The following TMTC1 variants were observed in gnomAD, a reference collection of about 807,000 sequenced individuals.
TMTC1 encodes protein O-mannosyl-transferase TMTC1.
TMTC1 carries 73 observed loss-of-function variants against 104.8 expected under a neutral mutation model. That is an observed-to-expected ratio of 0.70 (90% CI 0.58 to 0.85). The LOEUF is 0.85. TMTC1 is among the 40% of genes least tolerant of loss of function. The pLI is 0.00. For synonymous variants in TMTC1, 434 were observed against 428.7 expected (o/e 1.01, Z -0.15); for missense variants, 1,035 against 1,096.1 (o/e 0.94, Z 0.79).
At chr12:29,533,673 A>C (rs1944566900) in intron 11 of TMTC1, 1 of 152,208 alleles carries the variant, frequency 6.6e-6, no homozygotes, top group Non-Finnish European at 1.5e-5. Context: ...GATCTTCACA[A>C]CATTTTTTAA....
chr12:29,517,422 C>G lies in TMTC1; in HGVS notation c.2169+5G>C, dbSNP rs1172369552. On this transcript the variant is annotated splice_donor_5th_base_variant and intron_variant, in intron 14 of 17. Coordinates refer to ENST00000539277, the MANE Select transcript of TMTC1 (RefSeq NM_001193451.2). ...GCCAGCTTCATTTTCTTTCATCCTA[C>G]TCACCAGTGCCAAGCGGAGCTCCCT... 4.3e-6 allele frequency: 7 copies of G among 1,613,852 alleles called. No individual in the cohort carries two copies. The highest frequency in any genetic ancestry group is 5.9e-6 in the Non-Finnish European group (7 of 1,179,966).
At chr12:29,766,283 G>T (rs151304796) in intron 2 of TMTC1, among the ~76,000 whole-genome samples, 1 of 152,148 alleles carries the variant, frequency 6.6e-6, no homozygotes, top group Non-Finnish European at 1.5e-5. Flanking sequence ...AATGCCCATC[G>T]TAGAGCCTAA....
intron 5 of TMTC1, among the ~76,000 whole-genome samples, chr12:29,707,466 G>C (rs1419817345): frequency 6.6e-6 from 1 of 151,992 alleles, no homozygotes; most frequent in Non-Finnish European, 1.5e-5. Flanking sequence ...TCCAGGCATC[G>C]CGTCCTCTAC....
intron 14 of TMTC1, 59 bp downstream of exon 14, chr12:29,517,368 C>T: frequency 6.3e-7 from 1 of 1,599,836 alleles, no homozygotes; most frequent in South Asian, 1.1e-5. Flanking sequence ...AGGACTACAG[C>T]TCTCTCTATG....
At chr12:29,752,741 G>A (rs765285927) in intron 4 of TMTC1, among the ~76,000 whole-genome samples, 4 of 151,800 alleles carry the variant, frequency 2.6e-5, no homozygotes, top group Non-Finnish European at 5.9e-5. Context: ...AAAAGCAAGT[G>A]ATACCATTTA....
At chr12:29,519,777 C>T (rs2136154831) in intron 12 of TMTC1, 1 of 152,148 alleles carries the variant, frequency 6.6e-6, no homozygotes, top group South Asian at 2.1e-4. Context: ...GCCAATGAAC[C>T]AGCAGGTGGC....
intron 17 of TMTC1, among the ~76,000 whole-genome samples, chr12:29,510,724 T>C (rs1339567876): frequency 6.6e-6 from 1 of 152,226 alleles, no homozygotes; most frequent in Non-Finnish European, 1.5e-5. Context: ...ATCACTACAC[T>C]GCTATTTTAT....
In TMTC1 at chr12:29,520,494, C is replaced by CAAT. The variant is rs1466547323; in HGVS notation, c.1888+121_1888+123dup. 5 of 781,812 alleles carry CAAT rather than the reference C, an allele frequency of 6.4e-6. No homozygotes were observed. In the African/African-American group the frequency reaches 8.8e-5, roughly 14 times the overall value. The allele number at this position is 781,812 out of a possible 1,614,324, so 48.4% of individuals were successfully genotyped here. A position where few individuals can be genotyped will look rare whatever the true frequency, so the allele number is the denominator to read the frequency against. On this transcript the variant is annotated intron_variant, in intron 12 of 17. Coordinates refer to ENST00000539277, the MANE Select transcript of TMTC1 (RefSeq NM_001193451.2). ...GACAGCCCCGAGGTATAATGACTGTCAATAGTGTGAGCTTCCTGCCAAGCC... is the reference window on the plus strand; with the variant it reads ...GACAGCCCCGAGGTATAATGACTGTCAATAATAGTGTGAGCTTCCTGCCAAGCC...
At chr12:29,686,881 A>G (rs147944125) in intron 5 of TMTC1, among the ~76,000 whole-genome samples, 2,449 of 152,330 alleles carry the variant, frequency 0.016, 33 homozygotes, top group South Asian at 0.051. Flanking sequence ...GCTGTATCAC[A>G]TGGAACAAGT....
At chr12:29,761,554 T>C (rs117350970) in intron 2 of TMTC1, among the ~76,000 whole-genome samples, 2 of 149,312 alleles carry the variant, frequency 1.3e-5, no homozygotes, top group East Asian at 2.0e-4. Context: ...ATCTTCACAC[T>C]ATTTTGCTAC....
intron 4 of TMTC1, among the ~76,000 whole-genome samples, chr12:29,755,430 G>C (rs1943191128): frequency 1.3e-5 from 2 of 152,126 alleles, no homozygotes; most frequent in South Asian, 2.1e-4. Context: ...AAACAAACCA[G>C]CAATATAAAC....
At chr12:29,560,254 G>A (rs1275540977) in intron 9 of TMTC1, among the ~76,000 whole-genome samples, 1 of 152,210 alleles carries the variant, frequency 6.6e-6, no homozygotes, top group African/African-American at 2.4e-5. Context: ...CTGAACTGGA[G>A]CAGTGGTGAT....
chr12:29,748,042 T>C (rs1942998558), intron 5 of TMTC1, among the ~76,000 whole-genome samples: 1 of 152,184 alleles, frequency 6.6e-6, no homozygotes, highest in South Asian at 2.1e-4. Context: ...ATTGTAACAG[T>C]AATCAAATAT....
At chr12:29,525,257 A>G (rs755424264) in intron 11 of TMTC1, among the ~76,000 whole-genome samples, 2 of 131,588 alleles carry the variant, frequency 1.5e-5, no homozygotes, top group Non-Finnish European at 3.1e-5. Flanking sequence ...ATCTCAGCTC[A>G]CCGCAACCTC....
intron 5 of TMTC1, among the ~76,000 whole-genome samples, chr12:29,696,334 GT>G (rs1470503767): frequency 6.6e-6 from 1 of 152,076 alleles, no homozygotes; most frequent in Non-Finnish European, 1.5e-5. Flanking sequence ...ATTATTAAAT[GT>G]TTCAAAAGTA....
At position 29,561,830 on chromosome 12, in the gene TMTC1, T is replaced by A. The variant is rs895039869; in HGVS notation, c.1533-4830A>T. 2.0e-5 allele frequency among the ~76,000 whole-genome samples: 3 copies of A among 152,316 alleles called. No individual in the cohort carries two copies. In the East Asian group the frequency reaches 5.8e-4, roughly 29 times the overall value. ...CACCCTGATTTATTTTCAGGGTGTG[T>A]ATATTTGTCCGATTTTCATACCACA... On this transcript the variant is annotated intron_variant, in intron 9 of 17. Transcript: ENST00000539277.
At chr12:29,743,724 G>A (rs1176279374) in intron 5 of TMTC1, among the ~76,000 whole-genome samples, 3 of 152,008 alleles carry the variant, frequency 2.0e-5, no homozygotes, top group Non-Finnish European at 4.4e-5. Context: ...TCCCCTGAGT[G>A]TTTACAATGT....
intron 5 of TMTC1, among the ~76,000 whole-genome samples, chr12:29,713,667 A>G (rs556672208): frequency 6.6e-6 from 1 of 152,260 alleles, no homozygotes; most frequent in African/African-American, 2.4e-5. Context: ...CAAAATCCAA[A>G]TGTTTCCTTG....
intron 5 of TMTC1, among the ~76,000 whole-genome samples, chr12:29,650,761 A>G (rs1452208701): frequency 6.6e-6 from 1 of 152,194 alleles, no homozygotes. Context: ...CCGATGTTGT[A>G]GGTAAATGGA....
Sources: gnomAD v4.1 joint callset for allele counts (sites outside exome capture counted in the v4.1 genomes callset) on GRCh38, gnomAD v4.1.1 for gene constraint, MANE v1.5 for transcripts, NCBI Gene and HGNC (gene_info 2026-07-23, HGNC 2026-07-21) for gene names.